Variants in KLHDC2 observed in about 807,000 individuals in gnomAD.
KLHDC2 encodes the protein kelch domain containing 2, also known as kelch domain-containing protein 2.
In KLHDC2, 38 loss-of-function variants were observed where a neutral mutation model predicts 62.3. The observed-to-expected ratio is 0.61, with a 90% CI of 0.47 to 0.80. KLHDC2 has a LOEUF of 0.80. KLHDC2 is among the 30% of genes least tolerant of loss of function. The pLI is 0.00. For synonymous variants in KLHDC2, 159 were observed against 161.0 expected (o/e 0.99, Z 0.09); for missense variants, 430 against 495.3 (o/e 0.87, Z 1.25).
chr14:49,776,864 C>T (rs1470078783), intron 3 of KLHDC2, among the ~76,000 whole-genome samples: 6 of 151,384 alleles, frequency 4.0e-5, no homozygotes, highest in African/African-American at 1.2e-4. Context: ...TTGCAGTGAG[C>T]CGAGATCATG....
rs1278694089 is a variant in KLHDC2, at chr14:49,783,801, T to C, written c.*848T>C. 1 of 152,040 alleles carries C rather than the reference T, an allele frequency of 6.6e-6. No individual in the cohort carries two copies. Among genetic ancestry groups the C allele is most frequent in the Non-Finnish European group, 1.5e-5 (1 of 67,988 alleles). The allele number at this position is 152,040 out of a possible 1,614,324, so 9.4% of individuals were successfully genotyped here. ...CTGAAGGTCTACAAATGAATAGAAA[T>C]GATTAAGCTGAGTCATGAGAATTAT... On this transcript the variant is annotated 3_prime_UTR_variant, in exon 13 of 13. Transcript: ENST00000298307.
intron 6 of KLHDC2, 136 bp from the exon 7 acceptor site, chr14:49,779,459 C>A: frequency 1.7e-6 from 1 of 584,366 alleles, no homozygotes; most frequent in Non-Finnish European, 3.0e-6. Context: ...TGTAGTACAA[C>A]TGTTGTCTAG....
chr14:49,779,505 C>A, intron 6 of KLHDC2, 90 bp from the exon 7 acceptor site: 1 of 918,638 alleles, frequency 1.1e-6, no homozygotes, highest in East Asian at 2.6e-5. Context: ...GCTCAAGTGC[C>A]TTACATATTC....
chr14:49,773,284 C>T (rs550801746), intron 2 of KLHDC2, among the ~76,000 whole-genome samples: 2 of 149,986 alleles, frequency 1.3e-5, no homozygotes, highest in East Asian at 2.1e-4. Context: ...CGTGGAGGCA[C>T]GCGCCTGTAG....
chr14:49,782,387 G>C lies in KLHDC2; in HGVS notation c.974G>C (p.Cys325Ser). 6.2e-7 allele frequency: 1 copy of C among 1,612,520 alleles called. No individual in the cohort carries two copies. Among genetic ancestry groups the C allele is most frequent in the Non-Finnish European group, 8.5e-7 (1 of 1,178,920 alleles). ...AAATGCAGGTTATGGCACACAGCTT[G>C]TGCCAGCGATGAAGGAGAAGTAATT... Reference protein sequence around the residue: ...TEKPRLWHTACASDEGEVIVF... With the variant: ...TEKPRLWHTASASDEGEVIVF... The change falls in exon 11 of 13, where the codon TGT becomes TCT. Residue 325 changes from cysteine to serine, a missense_variant. Cys to Ser is a moderately radical substitution (Grantham distance 112). Coordinates refer to ENST00000298307, the MANE Select transcript of KLHDC2 (RefSeq NM_014315.3).
intron 6 of KLHDC2, among the ~76,000 whole-genome samples, chr14:49,779,241 T>G (rs4900950): frequency 1 from 151,715 of 152,330 alleles, 75,555 homozygotes; most frequent in Middle Eastern, 1. Flanking sequence ...CTCTGCACTA[T>G]ACTGCAATTT....
chr14:49,772,010 T>C (rs1017323602), intron 2 of KLHDC2, among the ~76,000 whole-genome samples: 1 of 152,140 alleles, frequency 6.6e-6, no homozygotes, highest in Non-Finnish European at 1.5e-5. Context: ...AAATCAGATA[T>C]GGCTGCAAAG....
Position 49,783,191 on chromosome 14 carries a change from A to G in KLHDC2, c.*238A>G. 1 of 325,512 alleles carries G rather than the reference A, an allele frequency of 3.1e-6. No individual in the cohort carries two copies. The highest frequency in any genetic ancestry group is 5.5e-6 in the Non-Finnish European group (1 of 180,430). The allele number at this position is 325,512 out of a possible 1,614,324, so 20.2% of individuals were successfully genotyped here. A position where few individuals can be genotyped will look rare whatever the true frequency, so the allele number is the denominator to read the frequency against. On this transcript the variant is annotated 3_prime_UTR_variant, in exon 13 of 13. Coordinates refer to ENST00000298307, the MANE Select transcript of KLHDC2 (RefSeq NM_014315.3). ...ATGGTTGGGCTTTTTACCCTGAAGA[A>G]TGGTTGCTACATTTTCTTTTCAGTA... is the stretch of plus-strand genomic sequence containing the variant.
chr14:49,780,202 A>G lies in KLHDC2; in HGVS notation c.774-11A>G, dbSNP rs775909652. The G allele has an allele frequency of 1.3e-6, 2 of 1,527,242 alleles. No individual in the cohort carries two copies. Among genetic ancestry groups the G allele is most frequent in the African/African-American group, 1.4e-5 (1 of 73,338 alleles). The allele number at this position is 1,527,242 out of a possible 1,614,324, so 94.6% of individuals were successfully genotyped here. A position where few individuals can be genotyped will look rare whatever the true frequency, so the allele number is the denominator to read the frequency against. Reference sequence around the variant, plus strand: ...TAAATGCAGATATTGTAACTTAGCTATTATTTTCAGAATTCCACAAGGCAT... The same window carrying G: ...TAAATGCAGATATTGTAACTTAGCTGTTATTTTCAGAATTCCACAAGGCAT... On this transcript the variant is annotated splice_polypyrimidine_tract_variant and intron_variant, in intron 8 of 12. Coordinates refer to ENST00000298307, the MANE Select transcript of KLHDC2 (RefSeq NM_014315.3).
chr14:49,768,932 G>C (rs1889602596), intron 1 of KLHDC2: 1 of 329,980 alleles, frequency 3.0e-6, no homozygotes, highest in Non-Finnish European at 5.6e-6. Flanking sequence ...AATGTTGCTT[G>C]GGCGGTGCAT....
In KLHDC2 at chr14:49,768,765, T is replaced by G. The variant is rs368179917; in HGVS notation, c.153+144T>G. 251 of 741,218 alleles carry G rather than the reference T, an allele frequency of 3.4e-4. No homozygotes were observed. The East Asian group carries it at 6.7e-3, about 20-fold the overall frequency. The allele number at this position is 741,218 out of a possible 1,614,324, so 45.9% of individuals were successfully genotyped here. ...CCCACCTCAGACTCTGCCCGTTGGT[T>G]GTTTTTTTTTTGCGCGCGGGAATCT... On this transcript the variant is annotated intron_variant, in intron 1 of 12. Coordinates refer to ENST00000298307, the MANE Select transcript of KLHDC2 (RefSeq NM_014315.3).
chr14:49,775,722 G>A (rs1215424875), intron 3 of KLHDC2, among the ~76,000 whole-genome samples: 1 of 146,794 alleles, frequency 6.8e-6, no homozygotes, highest in Non-Finnish European at 1.5e-5. Context: ...CGCCTCCCAG[G>A]TTCAAGTGAT....
intron 12 of KLHDC2, 21 bp from the exon 13 acceptor site, chr14:49,782,809 T>C (rs890463414): frequency 1.2e-6 from 2 of 1,605,474 alleles, no homozygotes; most frequent in Admixed American, 3.5e-5. Flanking sequence ...ATTACTTTTC[T>C]CTTTCCTTGT....
Position 49,785,568 on chromosome 14 carries a change from T to C in KLHDC2, c.*2615T>C, listed in dbSNP as rs1890132694. 1 of 400,014 alleles carries C rather than the reference T, an allele frequency of 2.5e-6. No homozygotes were observed. Among genetic ancestry groups the C allele is most frequent in the South Asian group, 2.5e-5 (1 of 40,430 alleles). 24.8% of individuals were successfully genotyped at this position (400,014 alleles called of 1,614,324 possible). The stretch of plus-strand genomic sequence containing the variant: ...GTAATGAGAACAATAATTTTCAAAA[T>C]CCTACCTACAGTTACATTTAAGAGA... On this transcript the variant is annotated 3_prime_UTR_variant, in exon 13 of 13. Transcript: ENST00000298307.
chr14:49,782,138 ACTC>A (rs1429418379), intron 10 of KLHDC2: 2 of 491,978 alleles, frequency 4.1e-6, no homozygotes, highest in Non-Finnish European at 7.2e-6. Context: ...TTCAGTTCAA[ACTC>A]CTCATTGCAT....
intron 12 of KLHDC2, 91 bp from the exon 13 acceptor site, chr14:49,782,736 GAAA>G: frequency 3.4e-6 from 5 of 1,460,446 alleles, no homozygotes; most frequent in Non-Finnish European, 3.7e-6. Context: ...AATCTTTGAA[GAAA>G]GAAAGAGGGA....
intron 10 of KLHDC2, chr14:49,782,057 G>A (rs1889927746): frequency 3.7e-6 from 1 of 271,802 alleles, no homozygotes; most frequent in African/African-American, 2.2e-5. Context: ...CCTACCTATG[G>A]AAGAAGAAGG....
In KLHDC2 at chr14:49,783,131, TA is replaced by T. The variant is rs1687625638; in HGVS notation, c.*180del. ...GTCTAAAGTTTACAATAAATGTATT[TA>T]ACACCAGTAGCTGTCCTCTATTAAA... On this transcript the variant is annotated 3_prime_UTR_variant, in exon 13 of 13. Transcript: ENST00000298307. 2.1e-6 allele frequency: 1 copy of T among 486,560 alleles called. No homozygotes were observed. 30.1% of individuals were successfully genotyped at this position (486,560 alleles called of 1,614,324 possible).
At position 49,782,458 on chromosome 14, in the gene KLHDC2, G is replaced by GT; in HGVS notation, c.1044+2dup. On this transcript the variant is annotated splice_donor_variant, in intron 11 of 12. Coordinates refer to ENST00000298307, the MANE Select transcript of KLHDC2 (RefSeq NM_014315.3). LOFTEE classifies it high-confidence loss of function. ...CAACTTGCTTGTCCATCACAGAGCT[G>GT]TAAGTATACTACCTTCACATTATTA... 1 of 1,609,380 alleles carries GT rather than the reference G, an allele frequency of 6.2e-7. No individual in the cohort carries two copies. The highest frequency in any genetic ancestry group is 2.2e-5 in the East Asian group (1 of 44,820).
Sources: allele counts gnomAD v4.1 joint callset (sites outside exome capture counted in the v4.1 genomes callset), GRCh38; gene constraint gnomAD v4.1.1; transcripts MANE v1.5; gene names NCBI Gene and HGNC (gene_info 2026-07-23, HGNC 2026-07-21).